The following GALNT17 variants were observed in gnomAD, a reference collection of about 807,000 sequenced individuals.
GALNT17 encodes the protein polypeptide N-acetylgalactosaminyltransferase 17, also known as UDP-GalNAc:polypeptide N-acetylgalactosaminyltransferase-like 3.
A neutral mutation model predicts 63.7 loss-of-function variants in GALNT17; 29 were observed. The ratio of observed to expected loss-of-function variants is 0.46; its 90% CI spans 0.34 to 0.62. The LOEUF (loss-of-function observed/expected upper bound fraction) is 0.62. Among genes scored for constraint, GALNT17 ranks in the 20% least tolerant of loss-of-function variants. GALNT17 has a pLI of 0.01. For missense variants in GALNT17, 603 were observed against 799.6 expected (o/e 0.75, Z 2.97); for synonymous variants, 305 against 318.3 (o/e 0.96, Z 0.45).
chr7:71,701,602 G>A (rs1791632791), intron 9 of GALNT17, among the ~76,000 whole-genome samples: 1 of 151,450 alleles, frequency 6.6e-6, no homozygotes. Context: ...AGAAAAAGGA[G>A]TCATCCTATC....
intron 2 of GALNT17, among the ~76,000 whole-genome samples, chr7:71,352,406 G>A (rs1272155645): frequency 2.0e-5 from 3 of 152,174 alleles, no homozygotes; most frequent in Non-Finnish European, 4.4e-5. Context: ...AGAGATTTAT[G>A]GTGGAGGTCA....
At chr7:71,561,643 G>T (rs1415070451) in intron 5 of GALNT17, among the ~76,000 whole-genome samples, 1 of 152,174 alleles carries the variant, frequency 6.6e-6, no homozygotes, top group Non-Finnish European at 1.5e-5. Context: ...CCATCATCAT[G>T]ATAGAATTTG....
At chr7:71,521,220 G>T (rs946810346) in intron 5 of GALNT17, among the ~76,000 whole-genome samples, 1 of 152,040 alleles carries the variant, frequency 6.6e-6, no homozygotes, top group Non-Finnish European at 1.5e-5. Context: ...TGCTCAGATA[G>T]ATCCCAAATC....
chr7:71,283,604 A>G (rs1329023700), intron 1 of GALNT17, among the ~76,000 whole-genome samples: 3 of 152,122 alleles, frequency 2.0e-5, no homozygotes, highest in African/African-American at 7.2e-5. Context: ...CCCCATCCAA[A>G]TCTTATCTTA....
chr7:71,134,851 T>G lies in GALNT17; in HGVS notation c.238+1811T>G, dbSNP rs1321649277. On this transcript the variant is annotated intron_variant, in intron 1 of 10. Coordinates refer to ENST00000333538, the MANE Select transcript of GALNT17 (RefSeq NM_022479.3). ...TGTTTTATGGTTTTTTTTTTTTTTT[T>G]TTTTTTTTTTTTTTTGAGACAGGGT... Among the ~76,000 whole-genome samples the G allele has an allele frequency of 2.6e-3, 341 of 129,402 alleles. 1 individual carries two copies. Among genetic ancestry groups the G allele is most frequent in the Middle Eastern group, 7.7e-3 (2 of 260 alleles). 84.9% of individuals were successfully genotyped at this position (129,402 alleles called of 152,430 possible).
intron 6 of GALNT17, among the ~76,000 whole-genome samples, chr7:71,643,944 C>T (rs917575120): frequency 2.6e-5 from 4 of 152,198 alleles, no homozygotes; most frequent in Non-Finnish European, 4.4e-5. Flanking sequence ...AGGCCAGTGA[C>T]ATTTACAATC....
chr7:71,370,930 A>G (rs1243879641), intron 2 of GALNT17, among the ~76,000 whole-genome samples: 1 of 152,184 alleles, frequency 6.6e-6, no homozygotes, highest in Non-Finnish European at 1.5e-5. Flanking sequence ...TTATACAAGC[A>G]TATCGTGGGA....
intron 2 of GALNT17, among the ~76,000 whole-genome samples, chr7:71,352,022 A>T (rs1393347197): frequency 6.6e-6 from 1 of 152,100 alleles, no homozygotes; most frequent in East Asian, 1.9e-4. Flanking sequence ...GTGCCTAGTG[A>T]TTTGGCTGTG....
chr7:71,399,702 G>A (rs768446107), intron 3 of GALNT17, among the ~76,000 whole-genome samples: 10 of 151,966 alleles, frequency 6.6e-5, no homozygotes, highest in Non-Finnish European at 1.3e-4. Context: ...AATATAAATT[G>A]ATAAACTGTC....
chr7:71,168,598 A>C (rs967123376), intron 1 of GALNT17, among the ~76,000 whole-genome samples: 27 of 152,214 alleles, frequency 1.8e-4, no homozygotes, highest in African/African-American at 5.8e-4. Flanking sequence ...TCTATATTTA[A>C]GGTGTACCGT....
intron 1 of GALNT17, among the ~76,000 whole-genome samples, chr7:71,207,272 T>G (rs1051548257): frequency 3.3e-5 from 5 of 152,226 alleles, no homozygotes; most frequent in African/African-American, 1.2e-4. Flanking sequence ...CTCAATGGCC[T>G]TCTCATCTTT....
chr7:71,473,786 T>C (rs1387197347), intron 5 of GALNT17, among the ~76,000 whole-genome samples: 4 of 152,168 alleles, frequency 2.6e-5, no homozygotes, highest in Non-Finnish European at 5.9e-5. Context: ...GACTCAATTT[T>C]ATAATCTGTA....
chr7:71,614,239 C>CA (rs1790165679), intron 6 of GALNT17, among the ~76,000 whole-genome samples: 1 of 151,940 alleles, frequency 6.6e-6, no homozygotes. Flanking sequence ...ATCTCTAATC[C>CA]AAAAAATCTG....
At chr7:71,503,852 T>C (rs1788221212) in intron 5 of GALNT17, among the ~76,000 whole-genome samples, 1 of 152,052 alleles carries the variant, frequency 6.6e-6, no homozygotes, top group Non-Finnish European at 1.5e-5. Flanking sequence ...TCCCAGCACT[T>C]TGAGAGGCTG....
intron 5 of GALNT17, among the ~76,000 whole-genome samples, chr7:71,529,394 T>C (rs1788677951): frequency 6.6e-6 from 1 of 152,140 alleles, no homozygotes; most frequent in East Asian, 1.9e-4. Flanking sequence ...GATGGGCGTA[T>C]GGATAAATTC....
intron 5 of GALNT17, among the ~76,000 whole-genome samples, chr7:71,496,202 C>G (rs1017359576): frequency 1.3e-5 from 2 of 152,092 alleles, no homozygotes. Flanking sequence ...GCTCCCAGGA[C>G]TTGAATGTGA....
At chr7:71,146,703 G>C (rs534436342) in intron 1 of GALNT17, among the ~76,000 whole-genome samples, 1 of 152,124 alleles carries the variant, frequency 6.6e-6, no homozygotes. Context: ...GCTGCTCACC[G>C]GTCTTTAGAC....
chr7:71,143,997 G>A (rs1008378480), intron 1 of GALNT17, among the ~76,000 whole-genome samples: 2 of 152,094 alleles, frequency 1.3e-5, no homozygotes, highest in African/African-American at 4.8e-5. Flanking sequence ...AGTGATTTTA[G>A]TTGCATGTCA....
intron 1 of GALNT17, among the ~76,000 whole-genome samples, chr7:71,163,275 C>T (rs1788380976): frequency 1.3e-5 from 2 of 152,242 alleles, no homozygotes; most frequent in South Asian, 4.1e-4. Flanking sequence ...GTTTCTGATG[C>T]TTATTAAACA....
Sources: gnomAD v4.1 joint callset for allele counts (sites outside exome capture counted in the v4.1 genomes callset) on GRCh38, gnomAD v4.1.1 for gene constraint, MANE v1.5 for transcripts, NCBI Gene and HGNC (gene_info 2026-07-23, HGNC 2026-07-21) for gene names.